Variants in ST3GAL1 observed in about 807,000 individuals in gnomAD.
ST3GAL1 encodes CMP-N-acetylneuraminate-beta-galactosamide-alpha-2,3-sialyltransferase 1.
In ST3GAL1, 16 loss-of-function variants were observed where a neutral mutation model predicts 34.1. That is an observed-to-expected ratio of 0.47 (90% CI 0.32 to 0.71). The LOEUF is 0.71. Ranked by LOEUF, ST3GAL1 falls within the 30% of genes least tolerant of loss-of-function variation. The probability of loss-of-function intolerance (pLI) is 0.04; values close to 1 mark genes in which losing one functional copy is unlikely to be tolerated. For missense variants in ST3GAL1, 353 were observed against 447.4 expected (o/e 0.79, Z 1.90); for synonymous variants, 191 against 184.7 (o/e 1.03, Z -0.28).
rs887403460 is a variant in ST3GAL1, at chr8:133,473,913, C to T, written c.306+1806G>A. 4.6e-5 allele frequency among the ~76,000 whole-genome samples: 7 copies of T among 152,170 alleles called. No homozygotes were observed. The East Asian group carries it at 1.2e-3, about 25-fold the overall frequency. On this transcript the variant is annotated intron_variant, in intron 5 of 9. Coordinates refer to ENST00000522652, the MANE Select transcript of ST3GAL1 (RefSeq NM_173344.3). Reference sequence around the variant, plus strand: ...ACCCTAATCCTTACCATGCCTGGCTCGCCACCTCCTTCCCTAGACCCTTGG... The same window carrying T: ...ACCCTAATCCTTACCATGCCTGGCTTGCCACCTCCTTCCCTAGACCCTTGG...
chr8:133,558,060 G>A (rs1282322280), intron 1 of ST3GAL1, among the ~76,000 whole-genome samples: 1 of 152,136 alleles, frequency 6.6e-6, no homozygotes, highest in East Asian at 1.9e-4. Context: ...GCTCCTAAGA[G>A]CACCATTCTG....
intron 5 of ST3GAL1, among the ~76,000 whole-genome samples, chr8:133,471,386 G>A (rs904875384): frequency 2.0e-5 from 3 of 152,224 alleles, no homozygotes; most frequent in Non-Finnish European, 4.4e-5. Flanking sequence ...CTTAGAAATG[G>A]CTCGTGCAGG....
intron 2 of ST3GAL1, among the ~76,000 whole-genome samples, chr8:133,505,838 C>A (rs919543757): frequency 7.2e-5 from 11 of 151,998 alleles, no homozygotes; most frequent in African/African-American, 2.4e-4. Flanking sequence ...CCTGACCCCA[C>A]AATCCACCCA....
chr8:133,533,223 T>G (rs374486848), intron 2 of ST3GAL1, among the ~76,000 whole-genome samples: 1 of 152,140 alleles, frequency 6.6e-6, no homozygotes, highest in African/African-American at 2.4e-5. Context: ...GTAAAATTCC[T>G]TAAGTCTGTG....
chr8:133,557,319 T>C (rs984374202), intron 1 of ST3GAL1, among the ~76,000 whole-genome samples: 10 of 152,102 alleles, frequency 6.6e-5, no homozygotes, highest in Non-Finnish European at 1.5e-4. Context: ...CACAATGGGG[T>C]CCTCATAGGA....
At chr8:133,465,514 G>T (rs7816585) in intron 6 of ST3GAL1, 14,828 of 180,436 alleles carry the variant, frequency 0.082, 882 homozygotes, top group African/African-American at 0.18. Flanking sequence ...GGCGACAGGG[G>T]AAAATATATT....
chr8:133,522,400 G>A (rs2131029407), intron 2 of ST3GAL1, among the ~76,000 whole-genome samples: 1 of 152,282 alleles, frequency 6.6e-6, no homozygotes, highest in Non-Finnish European at 1.5e-5. Flanking sequence ...CCCATCACAG[G>A]CACAGTGTGG....
At position 133,556,728 on chromosome 8, in the gene ST3GAL1, C is replaced by T. The variant is rs976678489; in HGVS notation, c.-581-10802G>A. Among the ~76,000 whole-genome samples the T allele has an allele frequency of 2.6e-5, 4 of 152,196 alleles. No homozygotes were observed. Among genetic ancestry groups the T allele is most frequent in the African/African-American group, 9.7e-5 (4 of 41,440 alleles). On this transcript the variant is annotated intron_variant, in intron 1 of 9. Transcript: ENST00000522652. The surrounding 1 kb of genome is among the most constrained non-coding windows in gnomAD (Gnocchi z 8.9). Reference sequence around the variant, plus strand: ...ACCTTGCACCCAAGGACACGGCTGACATCATATAAAGTCTGTCCCTGGCAA... The same window carrying T: ...ACCTTGCACCCAAGGACACGGCTGATATCATATAAAGTCTGTCCCTGGCAA...
chr8:133,501,096 G>T (rs191558623), intron 2 of ST3GAL1, among the ~76,000 whole-genome samples: 72 of 152,282 alleles, frequency 4.7e-4, no homozygotes, highest in African/African-American at 1.6e-3. Context: ...TAAACAAACA[G>T]CCTCAGACAT....
At chr8:133,470,536 G>A (rs1000566170) in intron 5 of ST3GAL1, among the ~76,000 whole-genome samples, 1 of 152,156 alleles carries the variant, frequency 6.6e-6, no homozygotes, top group African/African-American at 2.4e-5. Context: ...TACAATCAGC[G>A]CTCAATCTGC....
chr8:133,562,283 CA>C (rs1441753889), intron 1 of ST3GAL1, among the ~76,000 whole-genome samples: 1 of 149,736 alleles, frequency 6.7e-6, no homozygotes, highest in African/African-American at 2.5e-5. Flanking sequence ...GATCTCAGCT[CA>C]CTGCAACCTC....
chr8:133,563,182 T>C (rs1212737687), intron 1 of ST3GAL1, among the ~76,000 whole-genome samples: 1 of 152,200 alleles, frequency 6.6e-6, no homozygotes, highest in Non-Finnish European at 1.5e-5. Flanking sequence ...TTTGATCTTT[T>C]CTTTTTTTAA....
rs1466088757 is a variant in ST3GAL1, at chr8:133,571,797, C to G, written c.-686G>C. ...GGACACTTGCCCCCTTCCCAGCTCA[C>G]ATCGCCTCTTCCTTCTCTCTCCGCT... On this transcript the variant is annotated 5_prime_UTR_variant, in exon 1 of 10. It removes an upstream start codon present in the reference 5' UTR. Coordinates refer to ENST00000522652, the MANE Select transcript of ST3GAL1 (RefSeq NM_173344.3). This position sits in a 1 kb window ranked among gnomAD's most constrained non-coding sequence, Gnocchi z 6.7. The G allele has an allele frequency of 6.5e-6, 1 of 153,894 alleles. No individual in the cohort carries two copies. The highest frequency in any genetic ancestry group is 1.4e-5 in the Non-Finnish European group (1 of 69,326). The allele number at this position is 153,894 out of a possible 1,614,324, so 9.5% of individuals were successfully genotyped here.
chr8:133,506,333 C>T (rs1198636748), intron 2 of ST3GAL1, among the ~76,000 whole-genome samples: 2 of 152,212 alleles, frequency 1.3e-5, no homozygotes, highest in Non-Finnish European at 2.9e-5. Flanking sequence ...CAAGACAACA[C>T]GTACAAAGCG....
chr8:133,463,755 G>A (rs1191675900), intron 7 of ST3GAL1, among the ~76,000 whole-genome samples: 1 of 152,216 alleles, frequency 6.6e-6, no homozygotes, highest in African/African-American at 2.4e-5. Flanking sequence ...GGAGTGGAGT[G>A]GGGCCGTGGT....
intron 2 of ST3GAL1, among the ~76,000 whole-genome samples, chr8:133,512,333 T>C (rs1817520394): frequency 6.6e-6 from 1 of 152,186 alleles, no homozygotes. Context: ...AGGAGAAAGA[T>C]GGAGGCCGGA....
intron 3 of ST3GAL1, among the ~76,000 whole-genome samples, chr8:133,486,341 G>A (rs1816594462): frequency 6.6e-6 from 1 of 152,246 alleles, no homozygotes; most frequent in African/African-American, 2.4e-5. Context: ...GCGCAGCTCA[G>A]GGCCTGGCAG....
intron 1 of ST3GAL1, among the ~76,000 whole-genome samples, chr8:133,559,494 C>CA (rs1173816594): frequency 6.6e-6 from 1 of 151,934 alleles, no homozygotes; most frequent in Non-Finnish European, 1.5e-5. Flanking sequence ...CTTTTTTTGC[C>CA]AAAAGACTGA....
In ST3GAL1 at chr8:133,556,333, G is replaced by A. The variant is rs1819020771; in HGVS notation, c.-581-10407C>T. 6.6e-6 allele frequency among the ~76,000 whole-genome samples: 1 copy of A among 152,244 alleles called. No homozygotes were observed. The highest frequency in any genetic ancestry group is 2.4e-5 in the African/African-American group (1 of 41,464). On this transcript the variant is annotated intron_variant, in intron 1 of 9. Coordinates refer to ENST00000522652, the MANE Select transcript of ST3GAL1 (RefSeq NM_173344.3). This position sits in a 1 kb window ranked among gnomAD's most constrained non-coding sequence, Gnocchi z 8.9. ...ACCACTGATCAACAGCAGGCCTGGT[G>A]ACTCCAGAGCCTGTCTTCTCCCCCT...
Sources: gnomAD v4.1 joint callset for allele counts (sites outside exome capture counted in the v4.1 genomes callset) on GRCh38, gnomAD v4.1.1 for gene constraint, Gnocchi (gnomAD v3.1) non-coding constraint, MANE v1.5 for transcripts, NCBI Gene and HGNC (gene_info 2026-07-23, HGNC 2026-07-21) for gene names.